The following AGBL4 variants were observed in gnomAD, a reference collection of about 807,000 sequenced individuals.
The protein encoded by AGBL4 is AGBL carboxypeptidase 4.
AGBL4 carries 58 observed loss-of-function variants against 66.4 expected under a neutral mutation model. The ratio of observed to expected loss-of-function variants is 0.87; its 90% CI spans 0.71 to 1.09. The LOEUF (loss-of-function observed/expected upper bound fraction) is 1.09. Ranked by LOEUF, AGBL4 falls within the 50% of genes least tolerant of loss-of-function variation. The pLI is 0.00. For synonymous variants in AGBL4, 234 were observed against 222.9 expected, an observed-to-expected ratio of 1.05 and a Z score of -0.44; for missense variants, 579 against 631.0, an observed-to-expected ratio of 0.92 and a Z score of 0.88.
intron 4 of AGBL4, among the ~76,000 whole-genome samples, chr1:49,223,581 C>T (rs1465153809): frequency 6.6e-6 from 1 of 152,060 alleles, no homozygotes; most frequent in Non-Finnish European, 1.5e-5. Context: ...AAAATGTAGG[C>T]CTCTTTTTCA....
intron 3 of AGBL4, among the ~76,000 whole-genome samples, chr1:49,609,579 A>G (rs1363987696): frequency 6.6e-6 from 1 of 152,164 alleles, no homozygotes; most frequent in Admixed American, 6.5e-5. Context: ...TAGACTATTT[A>G]GCCCTATGAT....
chr1:49,653,358 G>A (rs1006313989), intron 3 of AGBL4, among the ~76,000 whole-genome samples: 9 of 152,092 alleles, frequency 5.9e-5, no homozygotes, highest in African/African-American at 2.2e-4. Flanking sequence ...CCATGAAGAT[G>A]AGAAAGAATC....
chr1:48,882,211 GC>G (rs980031515), intron 5 of AGBL4, among the ~76,000 whole-genome samples: 9 of 152,120 alleles, frequency 5.9e-5, no homozygotes, highest in African/African-American at 1.9e-4. Flanking sequence ...TGATCATGCT[GC>G]CCCTGTCTGT....
chr1:48,891,933 A>C (rs1035479968), intron 5 of AGBL4, among the ~76,000 whole-genome samples: 5 of 152,152 alleles, frequency 3.3e-5, no homozygotes, highest in Admixed American at 3.3e-4. Context: ...GAAGAGCAGA[A>C]ATAAAAATGA....
At chr1:49,673,157 G>A (rs1294379662) in intron 3 of AGBL4, among the ~76,000 whole-genome samples, 1 of 152,198 alleles carries the variant, frequency 6.6e-6, no homozygotes, top group Non-Finnish European at 1.5e-5. Flanking sequence ...TGAAAGAGTT[G>A]CAGTAAGTCA....
intron 6 of AGBL4, among the ~76,000 whole-genome samples, chr1:48,701,358 G>A (rs1646797581): frequency 1.1e-5 from 1 of 95,198 alleles, no homozygotes; most frequent in South Asian, 5.5e-4. Flanking sequence ...ATAGGCAGGT[G>A]TCTGCCTCAT....
chr1:48,608,374 C>T (rs1450169562), intron 9 of AGBL4, among the ~76,000 whole-genome samples: 1 of 152,130 alleles, frequency 6.6e-6, no homozygotes, highest in African/African-American at 2.4e-5. Flanking sequence ...GTTCTTTTCA[C>T]AACTTATTTT....
At chr1:49,797,850 G>A (rs532426071) in intron 2 of AGBL4, among the ~76,000 whole-genome samples, 5 of 151,026 alleles carry the variant, frequency 3.3e-5, no homozygotes, top group South Asian at 2.1e-4. Flanking sequence ...TGTAACTTCC[G>A]CCTCCCGCGT....
At chr1:49,061,888 C>A (rs1644408781) in intron 4 of AGBL4, among the ~76,000 whole-genome samples, 1 of 152,096 alleles carries the variant, frequency 6.6e-6, no homozygotes, top group African/African-American at 2.4e-5. Context: ...ACCACAGGAG[C>A]CTACCAACAC....
intron 4 of AGBL4, among the ~76,000 whole-genome samples, chr1:49,203,100 A>AAG (rs1447738315): frequency 7.3e-5 from 11 of 151,362 alleles, no homozygotes; most frequent in Non-Finnish European, 1.2e-4. Context: ...AAAAAAAAAA[A>AAG]AAAGAAACAA....
At chr1:49,083,950 G>C (rs1021335767) in intron 4 of AGBL4, among the ~76,000 whole-genome samples, 1 of 152,184 alleles carries the variant, frequency 6.6e-6, no homozygotes, top group African/African-American at 2.4e-5. Flanking sequence ...AAGATCTCTA[G>C]AGCAAGGGCA....
chr1:49,941,403 CAA>C (rs2148293413), intron 1 of AGBL4, among the ~76,000 whole-genome samples: 1 of 152,116 alleles, frequency 6.6e-6, no homozygotes, highest in African/African-American at 2.4e-5. Flanking sequence ...ACCCTGACAC[CAA>C]AGTCAAAGCA....
At chr1:49,328,067 A>G (rs1052879061) in intron 3 of AGBL4, among the ~76,000 whole-genome samples, 1 of 152,196 alleles carries the variant, frequency 6.6e-6, no homozygotes, top group African/African-American at 2.4e-5. Context: ...GGAAATTAAC[A>G]ACAACAAACC....
intron 5 of AGBL4, among the ~76,000 whole-genome samples, chr1:49,042,982 T>G (rs1277697149): frequency 6.6e-6 from 1 of 152,114 alleles, no homozygotes; most frequent in Non-Finnish European, 1.5e-5. Flanking sequence ...TAAGAGAAGG[T>G]TGGGGTGGGC....
At chr1:49,029,871 C>G (rs925489492) in intron 5 of AGBL4, among the ~76,000 whole-genome samples, 1 of 152,140 alleles carries the variant, frequency 6.6e-6, no homozygotes, top group Non-Finnish European at 1.5e-5. Flanking sequence ...GAAATAAACT[C>G]TTACATGTAT....
intron 2 of AGBL4, among the ~76,000 whole-genome samples, chr1:49,773,158 T>A (rs539119142): frequency 5.0e-4 from 76 of 152,312 alleles, no homozygotes; most frequent in African/African-American, 1.6e-3. Context: ...TTCTTTGAAA[T>A]AGTAAGCTCT....
chr1:48,787,423 C>T (rs1416591417), intron 6 of AGBL4, among the ~76,000 whole-genome samples: 1 of 152,118 alleles, frequency 6.6e-6, no homozygotes, highest in Non-Finnish European at 1.5e-5. Context: ...TGGGAATGTA[C>T]TAGATCCAAT....
chr1:49,360,606 G>A (rs1364732171), intron 3 of AGBL4, among the ~76,000 whole-genome samples: 3 of 152,066 alleles, frequency 2.0e-5, no homozygotes, highest in East Asian at 1.9e-4. Context: ...TGAACAAGAC[G>A]ACAACTACCA....
At chr1:49,100,153 A>G (rs1645175229) in intron 4 of AGBL4, among the ~76,000 whole-genome samples, 1 of 152,206 alleles carries the variant, frequency 6.6e-6, no homozygotes, top group African/African-American at 2.4e-5. Flanking sequence ...AGGAGAAAGA[A>G]GTAGGAGTTG....
Sources: gnomAD v4.1 joint callset for allele counts (sites outside exome capture counted in the v4.1 genomes callset) on GRCh38, gnomAD v4.1.1 for gene constraint, MANE v1.5 for transcripts, NCBI Gene and HGNC (gene_info 2026-07-23, HGNC 2026-07-21) for gene names.